ANKFN1: variants seen among roughly 807,000 people sequenced by gnomAD.
ANKFN1 encodes the protein ankyrin repeat and fibronectin type-III domain-containing protein 1.
In ANKFN1, 74 loss-of-function variants were observed where a neutral mutation model predicts 108.7. The observed-to-expected ratio is 0.68, with a 90% CI of 0.56 to 0.83. ANKFN1 has a LOEUF of 0.83. ANKFN1 is among the 40% of genes least tolerant of loss of function. The pLI, the probability that ANKFN1 is intolerant of heterozygous loss-of-function variation, is 0.00. For synonymous variants in ANKFN1, 547 were observed against 516.2 expected (o/e 1.06, Z -0.81); for missense variants, 1,505 against 1,382.3 (o/e 1.09, Z -1.41).
At chr17:56,170,807 T>TATATACACACACACAC (rs1361307404) in intron 1 of ANKFN1, among the ~76,000 whole-genome samples, 30 of 61,450 alleles carry the variant, frequency 4.9e-4, no homozygotes, top group African/African-American at 1.9e-3. Flanking sequence ...TATATATATA[T>TATATACACACACACAC]ACACACACAC....
intron 1 of ANKFN1, among the ~76,000 whole-genome samples, chr17:56,195,788 A>G (rs1913451055): frequency 6.6e-6 from 1 of 152,180 alleles, no homozygotes; most frequent in East Asian, 1.9e-4. Context: ...CCATTCCATA[A>G]CAGGGCATGT....
chr17:56,313,839 G>A (rs1320857622), intron 3 of ANKFN1, among the ~76,000 whole-genome samples: 4 of 152,134 alleles, frequency 2.6e-5, no homozygotes, highest in African/African-American at 9.7e-5. Context: ...TTCAATAATT[G>A]TATATACCCC....
intron 2 of ANKFN1, among the ~76,000 whole-genome samples, chr17:56,216,275 T>C (rs988289507): frequency 6.6e-6 from 1 of 152,244 alleles, no homozygotes; most frequent in Non-Finnish European, 1.5e-5. Flanking sequence ...TGCCAAAAAC[T>C]ACTGCTTTGA....
upstream of ANKFN1, among the ~76,000 whole-genome samples, chr17:56,152,303 T>TGTGTGTGTGTGTGTGTGTGTG (rs1908704082): frequency 6.6e-6 from 1 of 150,662 alleles, no homozygotes. Context: ...TGTGTGTGTG[T>TGTGTGTGTGTGTGTGTGTGTG]TTAATTTTTC....
At chr17:56,301,969 G>T (rs1359573165) in intron 3 of ANKFN1, among the ~76,000 whole-genome samples, 5 of 152,136 alleles carry the variant, frequency 3.3e-5, no homozygotes, top group African/African-American at 1.2e-4. Flanking sequence ...CAACAGTCTT[G>T]GCAATTGAAA....
chr17:56,349,195 T>C (rs747903092), intron 4 of ANKFN1, among the ~76,000 whole-genome samples: 1 of 151,938 alleles, frequency 6.6e-6, no homozygotes, highest in South Asian at 2.1e-4. Context: ...CATGGACACA[T>C]GGCGAGGAAC....
intron 1 of ANKFN1, chr17:56,206,585 A>C (rs1914555199): frequency 6.6e-6 from 1 of 152,344 alleles, no homozygotes; most frequent in East Asian, 1.9e-4. Context: ...CTGGGTGAGA[A>C]GGGTTGGCAG....
chr17:56,056,142 T>C (rs1904873578), intron 4 of ANKFN1, among the ~76,000 whole-genome samples: 3 of 152,106 alleles, frequency 2.0e-5, no homozygotes, highest in Non-Finnish European at 4.4e-5. Flanking sequence ...GTCAGAAGCA[T>C]AATTTGCAAA....
intron 4 of ANKFN1, among the ~76,000 whole-genome samples, chr17:56,100,785 T>G (rs1355418922): frequency 6.6e-6 from 1 of 152,160 alleles, no homozygotes; most frequent in Non-Finnish European, 1.5e-5. Context: ...CTGTCCCAAT[T>G]CCCAAATTTA....
chr17:56,103,900 C>T (rs998148047), intron 4 of ANKFN1, among the ~76,000 whole-genome samples: 2 of 152,180 alleles, frequency 1.3e-5, no homozygotes, highest in African/African-American at 4.8e-5. Context: ...TGTGGGACTT[C>T]ACCAGGTACC....
At chr17:56,295,472 C>T (rs1471612049) in intron 3 of ANKFN1, among the ~76,000 whole-genome samples, 3 of 152,158 alleles carry the variant, frequency 2.0e-5, no homozygotes, top group Non-Finnish European at 4.4e-5. Context: ...ACTCTTGAAG[C>T]AGATACTCTG....
intron 20 of ANKFN1, among the ~76,000 whole-genome samples, chr17:56,501,801 TAAA>T (rs898412379): frequency 6.6e-6 from 1 of 151,780 alleles, no homozygotes. Flanking sequence ...GAAAGAAGAT[TAAA>T]AAAACAAGAG....
At chr17:56,070,171 G>C (rs1905102581) in intron 4 of ANKFN1, among the ~76,000 whole-genome samples, 1 of 152,152 alleles carries the variant, frequency 6.6e-6, no homozygotes. Flanking sequence ...CAGCCCAGTA[G>C]GTCTCCGCCT....
chr17:56,511,082 C>T lies in ANKFN1; in HGVS notation c.3254C>T (p.Pro1085Leu), dbSNP rs965069366. Reference protein sequence around the residue: ...ERNSSLQDARPSVRRLYVEPY... With the variant: ...ERNSSLQDARLSVRRLYVEPY... ...AACAGCAGTCTCCAGGACGCGAGGC[C>T]TTCCGTCCGCCGCCTCTACGTGGAG... Residue 1085 changes from proline to leucine, a missense_variant, in exon 21 of 21, where the codon CCT becomes CTT. Coordinates refer to ENST00000682825, the MANE Select transcript of ANKFN1 (RefSeq NM_001370326.1). The T allele has an allele frequency of 7.2e-6, 11 of 1,535,886 alleles. No individual in the cohort carries two copies. Among genetic ancestry groups the T allele is most frequent in the African/African-American group, 2.7e-5 (2 of 73,058 alleles).
At chr17:56,454,239 C>T (rs2049601701) in intron 11 of ANKFN1, among the ~76,000 whole-genome samples, 1 of 151,966 alleles carries the variant, frequency 6.6e-6, no homozygotes, top group East Asian at 1.9e-4. Flanking sequence ...AATTGCTAAG[C>T]CTTCTATTCG....
At chr17:56,282,385 T>C (rs2044107409) in intron 3 of ANKFN1, among the ~76,000 whole-genome samples, 1 of 152,046 alleles carries the variant, frequency 6.6e-6, no homozygotes. Context: ...TTGATTGGGG[T>C]GTGGGTTACA....
intron 1 of ANKFN1, among the ~76,000 whole-genome samples, chr17:56,187,575 C>T (rs1317283169): frequency 2.0e-5 from 3 of 152,144 alleles, no homozygotes; most frequent in Non-Finnish European, 4.4e-5. Flanking sequence ...ACCCAGTCAT[C>T]TCATTACTGG....
rs879606607 is a variant in ANKFN1, at chr17:56,193,461, T to TA, written c.-70-19128dup. Among the ~76,000 whole-genome samples the TA allele has an allele frequency of 4.1e-3, 583 of 143,598 alleles. 5 individuals are homozygous for TA. The highest frequency in any genetic ancestry group is 0.012 in the Middle Eastern group (3 of 258). 94.2% of individuals were successfully genotyped at this position (143,598 alleles called of 152,430 possible). A position where few individuals can be genotyped will look rare whatever the true frequency, so the allele number is the denominator to read the frequency against. ...GTGCATAATTTATTTGTAGCGTTTT[T>TA]AAAAAAAAACAAAAAAAATACAGCT... On this transcript the variant is annotated intron_variant, in intron 1 of 20. Transcript: ENST00000682825.
intron 8 of ANKFN1, among the ~76,000 whole-genome samples, chr17:56,415,563 G>A (rs1057122034): frequency 3.3e-5 from 5 of 152,102 alleles, no homozygotes; most frequent in Admixed American, 2.6e-4. Flanking sequence ...AATTGCAGAG[G>A]ACACAATATT....
Sources: gnomAD v4.1 joint callset for allele counts (sites outside exome capture counted in the v4.1 genomes callset) on GRCh38, gnomAD v4.1.1 for gene constraint, MANE v1.5 for transcripts, NCBI Gene and HGNC (gene_info 2026-07-23, HGNC 2026-07-21) for gene names.